SLC5A11: variants seen among roughly 807,000 people sequenced by gnomAD.
The protein encoded by SLC5A11 is solute carrier family 5 member 11.
A neutral mutation model predicts 69.8 loss-of-function variants in SLC5A11; 48 were observed. The ratio of observed to expected loss-of-function variants is 0.69; its 90% confidence interval spans 0.55 to 0.87. The LOEUF (loss-of-function observed/expected upper bound fraction) is 0.87, where lower values mean the gene tolerates loss of function less well. Among genes scored for constraint, SLC5A11 ranks in the 40% least tolerant of loss-of-function variants. SLC5A11 has a pLI of 0.00. For missense variants in SLC5A11, 784 were observed against 866.1 expected (o/e 0.91, Z 1.19); for synonymous variants, 319 against 342.4 (o/e 0.93, Z 0.75).
At chr16:24,884,350 A>C (rs943178302) in intron 8 of SLC5A11, among the ~76,000 whole-genome samples, 1 of 151,938 alleles carries the variant, frequency 6.6e-6, no homozygotes, top group African/African-American at 2.4e-5. Context: ...TTTTGTTCTG[A>C]GGCAGGATCT....
intron 1 of SLC5A11, among the ~76,000 whole-genome samples, chr16:24,849,863 G>A (rs924520254): frequency 1.2e-4 from 18 of 151,674 alleles, no homozygotes; most frequent in Non-Finnish European, 1.8e-4. Context: ...ACCTGAAGCC[G>A]TGGCTCTTGC....
At chr16:24,881,193 G>A (rs866524666) in intron 7 of SLC5A11, among the ~76,000 whole-genome samples, 11 of 149,504 alleles carry the variant, frequency 7.4e-5, no homozygotes, top group Non-Finnish European at 8.9e-5. Context: ...GCAACAGAGC[G>A]AAACTCAAAT....
At chr16:24,907,146 A>G (rs779245773) in exon 12 of SLC5A11, 2 of 1,614,136 alleles carry the variant, frequency 1.2e-6, no homozygotes, top group South Asian at 1.1e-5. Flanking sequence ...GGCCTCGGGC[A>G]TCTGAGAAGG....
chr16:24,887,199 G>A (rs1280010458), intron 8 of SLC5A11, among the ~76,000 whole-genome samples: 1 of 152,112 alleles, frequency 6.6e-6, no homozygotes, highest in African/African-American at 2.4e-5. Flanking sequence ...AGTAAAGGGA[G>A]GACCTATGTG....
At chr16:24,911,291 C>T (rs756624781) in intron 15 of SLC5A11, 37 bp from the exon 17 acceptor site, 1 of 1,605,404 alleles carries the variant, frequency 6.2e-7, no homozygotes, top group East Asian at 2.2e-5. Flanking sequence ...GAGATACAGA[C>T]CACCTCTACG....
chr16:24,850,016 C>A (rs1351476766), intron 1 of SLC5A11, among the ~76,000 whole-genome samples: 1 of 152,070 alleles, frequency 6.6e-6, no homozygotes, highest in Admixed American at 6.5e-5. Flanking sequence ...CAGCTCACTA[C>A]ATCCTCAACC....
chr16:24,866,947 T>C (rs2046958357), intron 3 of SLC5A11, among the ~76,000 whole-genome samples: 1 of 152,162 alleles, frequency 6.6e-6, no homozygotes, highest in African/African-American at 2.4e-5. Context: ...GTGACTTTAA[T>C]ATCTCATTTT....
At chr16:24,875,346 G>A (rs1439654873) in intron 5 of SLC5A11, among the ~76,000 whole-genome samples, 3 of 151,930 alleles carry the variant, frequency 2.0e-5, no homozygotes, top group African/African-American at 7.2e-5. Context: ...CACCACGCAT[G>A]ACTAAATTTG....
intron 10 of SLC5A11, among the ~76,000 whole-genome samples, chr16:24,901,937 C>CACACACAA (rs1227884737): frequency 8.9e-6 from 1 of 112,126 alleles, no homozygotes; most frequent in Non-Finnish European, 1.8e-5. Flanking sequence ...AAAATACACA[C>CACACACAA]ACACACACAC....
chr16:24,889,306 G>C (rs2048611350), intron 8 of SLC5A11, among the ~76,000 whole-genome samples: 1 of 152,010 alleles, frequency 6.6e-6, no homozygotes, highest in Non-Finnish European at 1.5e-5. Flanking sequence ...AACATAGTGA[G>C]ATCCATCTCT....
chr16:24,892,122 G>A (rs1480281750), intron 9 of SLC5A11, among the ~76,000 whole-genome samples: 1 of 151,746 alleles, frequency 6.6e-6, no homozygotes, highest in African/African-American at 2.4e-5. Flanking sequence ...AGCTACTTGG[G>A]AGGCTGAGGT....
intron 3 of SLC5A11, among the ~76,000 whole-genome samples, chr16:24,868,948 A>T (rs1297629539): frequency 6.8e-6 from 1 of 147,472 alleles, no homozygotes; most frequent in East Asian, 2.0e-4. Context: ...GCTCGTTGCA[A>T]CCTCCACCTC....
intron 3 of SLC5A11, among the ~76,000 whole-genome samples, chr16:24,864,625 G>A (rs1336416521): frequency 2.0e-5 from 3 of 152,050 alleles, no homozygotes; most frequent in African/African-American, 7.2e-5. Context: ...CCATACACAG[G>A]GGAGAAAAAG....
At chr16:24,877,752 A>G (rs915720118) in intron 7 of SLC5A11, among the ~76,000 whole-genome samples, 1 of 152,124 alleles carries the variant, frequency 6.6e-6, no homozygotes. Flanking sequence ...TTGGGAGGCC[A>G]AGGTGGGTGG....
At chr16:24,899,067 C>T (rs2049393059) in intron 10 of SLC5A11, among the ~76,000 whole-genome samples, 1 of 152,160 alleles carries the variant, frequency 6.6e-6, no homozygotes, top group Non-Finnish European at 1.5e-5. Context: ...ATCCTCCTGC[C>T]TTGACCTCCC....
In SLC5A11 at chr16:24,906,773, C is replaced by T. The variant is rs756059814; in HGVS notation, c.1114+9C>T. 6.9e-6 allele frequency: 11 copies of T among 1,603,880 alleles called. No individual in the cohort carries two copies. The highest frequency in any genetic ancestry group is 1.3e-5 in the African/African-American group (1 of 74,852). ...GGAACTCCTGCCCACAGGTAATGTC[C>T]CTTCACTCCTGAATCAAGTCCCCTG... On this transcript the variant is annotated intron_variant, in intron 11 of 15. Transcript: ENST00000347898.
At chr16:24,911,524 T>C in exon 16 of SLC5A11, 3 of 1,614,110 alleles carry the variant, frequency 1.9e-6, no homozygotes, top group Non-Finnish European at 2.5e-6. Context: ...TCTGGGGCTA[T>C]TTTGCTTAGT....
intron 10 of SLC5A11, among the ~76,000 whole-genome samples, chr16:24,905,640 G>GCGCGCGCGCACGCA (rs1443035551): frequency 1.5e-5 from 2 of 136,698 alleles, no homozygotes; most frequent in African/African-American, 5.6e-5. Context: ...GCGCGCGCGC[G>GCGCGCGCGCACGCA]CACACACACA....
intron 6 of SLC5A11, among the ~76,000 whole-genome samples, chr16:24,876,761 G>C (rs1469454528): frequency 6.6e-6 from 1 of 152,216 alleles, no homozygotes; most frequent in Non-Finnish European, 1.5e-5. Context: ...TTAGAGAAAG[G>C]GGATTGGCCC....
Sources: allele counts gnomAD v4.1 joint callset (sites outside exome capture counted in the v4.1 genomes callset), GRCh38; gene constraint gnomAD v4.1.1; transcripts MANE v1.5; gene names NCBI Gene and HGNC (gene_info 2026-07-23, HGNC 2026-07-21).